The following AGTPBP1 variants were observed in gnomAD, a reference collection of about 807,000 sequenced individuals.
AGTPBP1 encodes ATP/GTP binding carboxypeptidase 1.
Under a neutral mutation model 143.9 loss-of-function variants are expected in AGTPBP1, and 70 were observed. The ratio of observed to expected loss-of-function variants is 0.49; its 90% CI spans 0.40 to 0.59. The LOEUF is 0.59. Among genes scored for constraint, AGTPBP1 ranks in the 20% least tolerant of loss-of-function variants. AGTPBP1 has a pLI of 0.00. For missense variants in AGTPBP1, 1,229 were observed against 1,464.5 expected (o/e 0.84, Z 2.62); for synonymous variants, 463 against 500.2 (o/e 0.93, Z 0.99).
At chr9:85,572,333 T>A (rs1827557211) in intron 25 of AGTPBP1, among the ~76,000 whole-genome samples, 1 of 152,056 alleles carries the variant, frequency 6.6e-6, no homozygotes, top group Non-Finnish European at 1.5e-5. Context: ...GCGGCTGGCT[T>A]GGTTTGTATT....
chr9:85,654,909 A>G (rs547689994), intron 11 of AGTPBP1, among the ~76,000 whole-genome samples: 1 of 152,334 alleles, frequency 6.6e-6, no homozygotes, highest in African/African-American at 2.4e-5. Context: ...GTGAAGCTTA[A>G]TTATTTCACA....
At chr9:85,803,691 T>C in the AGTPBP1 span, among the ~76,000 whole-genome samples, 1 of 152,236 alleles carries the variant, frequency 6.6e-6, no homozygotes, top group African/African-American at 2.4e-5. Context: ...TGATTATCTA[T>C]GAGTCTATTT....
chr9:85,547,014 A>T lies in AGTPBP1; in HGVS notation c.*95T>A. On this transcript the variant is annotated 3_prime_UTR_variant, in exon 26 of 26. Transcript: ENST00000357081. ...AAGTTACTTTTTGTCTTTTTGAGTC[A>T]GCTCTGTATAAACTCATTTCTCTCA... The T allele has an allele frequency of 7.8e-7, 1 of 1,290,286 alleles. No individual in the cohort carries two copies. The highest frequency in any genetic ancestry group is 1.0e-6 in the Non-Finnish European group (1 of 977,086). 79.9% of individuals were successfully genotyped at this position (1,290,286 alleles called of 1,614,324 possible).
chr9:85,744,121 G>A (rs540621912), upstream of AGTPBP1, among the ~76,000 whole-genome samples: 2 of 151,616 alleles, frequency 1.3e-5, no homozygotes, highest in Non-Finnish European at 2.9e-5. Flanking sequence ...TTGTAGAGTC[G>A]GGGTCTCCCT....
intron 14 of AGTPBP1, among the ~76,000 whole-genome samples, chr9:85,624,451 C>T (rs1466442804): frequency 1.3e-5 from 2 of 152,178 alleles, no homozygotes; most frequent in Non-Finnish European, 1.5e-5. Flanking sequence ...ACTTTATATG[C>T]ATATATACAC....
chr9:85,790,509 C>G, the AGTPBP1 span, among the ~76,000 whole-genome samples: 1 of 151,928 alleles, frequency 6.6e-6, no homozygotes, highest in African/African-American at 2.4e-5. Flanking sequence ...TCATGTTGAC[C>G]CCAACATGAC....
intron 10 of AGTPBP1, among the ~76,000 whole-genome samples, chr9:85,656,970 T>C (rs755193122): frequency 1.6e-3 from 246 of 151,892 alleles, no homozygotes; most frequent in Non-Finnish European, 3.1e-3. Flanking sequence ...ACTTCTTCCT[T>C]TTGCCTTAAT....
At chr9:85,721,766 T>C (rs368461799) in intron 1 of AGTPBP1, among the ~76,000 whole-genome samples, 9 of 150,654 alleles carry the variant, frequency 6.0e-5, no homozygotes, top group South Asian at 2.1e-4. Flanking sequence ...TTCATAGCAT[T>C]GATGGTCTTT....
intron 2 of AGTPBP1, among the ~76,000 whole-genome samples, chr9:85,707,494 T>A (rs923773931): frequency 3.3e-5 from 5 of 151,762 alleles, no homozygotes; most frequent in African/African-American, 1.2e-4. Flanking sequence ...ACCAGGCTGA[T>A]TGAGAAAAAA....
At position 85,577,694 on chromosome 9, in the gene AGTPBP1, T is replaced by C. The variant is rs147572845; in HGVS notation, c.3342+1226A>G. Among the ~76,000 whole-genome samples the C allele has an allele frequency of 5.0e-3, 757 of 152,288 alleles. 5 individuals carry two copies. Among genetic ancestry groups the C allele is most frequent in the African/African-American group, 0.017 (707 of 41,556 alleles). On this transcript the variant is annotated intron_variant, in intron 24 of 25. Coordinates refer to ENST00000357081, the MANE Select transcript of AGTPBP1 (RefSeq NM_001330701.2). ...AGTAAGTTCTACTTTACTACTACTATTCTTATTTAAGTAATTTCTACTTTA... is the reference window on the plus strand; with the variant it reads ...AGTAAGTTCTACTTTACTACTACTACTCTTATTTAAGTAATTTCTACTTTA...
intron 4 of AGTPBP1, among the ~76,000 whole-genome samples, chr9:85,680,655 CAG>C (rs1835112770): frequency 6.6e-6 from 1 of 151,548 alleles, no homozygotes; most frequent in Non-Finnish European, 1.5e-5. Context: ...TCTAAAGTAA[CAG>C]AGCAATCTAG....
the AGTPBP1 span, among the ~76,000 whole-genome samples, chr9:85,758,426 C>T: frequency 3.3e-5 from 5 of 152,144 alleles, no homozygotes; most frequent in African/African-American, 9.7e-5. Context: ...GGGCAGGTCA[C>T]GGGAGGTCAG....
intron 14 of AGTPBP1, among the ~76,000 whole-genome samples, chr9:85,626,300 T>C (rs1202539460): frequency 6.6e-6 from 1 of 152,196 alleles, no homozygotes; most frequent in African/African-American, 2.4e-5. Flanking sequence ...AAAACAGTGA[T>C]TGCACATAAG....
At chr9:85,560,073 C>G (rs1826606512) in intron 25 of AGTPBP1, among the ~76,000 whole-genome samples, 1 of 152,138 alleles carries the variant, frequency 6.6e-6, no homozygotes, top group South Asian at 2.1e-4. Context: ...GAGACCCCCT[C>G]CAGCCCACCA....
At chr9:85,580,703 C>A (rs1828202912) in intron 23 of AGTPBP1, among the ~76,000 whole-genome samples, 1 of 152,098 alleles carries the variant, frequency 6.6e-6, no homozygotes, top group Non-Finnish European at 1.5e-5. Flanking sequence ...TTTGTACAAT[C>A]TTTATGAAGG....
At chr9:85,786,440 G>A in the AGTPBP1 span, 113 of 1,613,744 alleles carry the variant, frequency 7.0e-5, no homozygotes, top group Non-Finnish European at 9.1e-5. Flanking sequence ...TGTCACACCT[G>A]TAAAACTGTG....
chr9:85,601,510 C>G (rs1040757240), intron 17 of AGTPBP1, among the ~76,000 whole-genome samples: 1 of 152,202 alleles, frequency 6.6e-6, no homozygotes, highest in Non-Finnish European at 1.5e-5. Context: ...ACCACCACAG[C>G]TGGCACACAC....
the AGTPBP1 span, among the ~76,000 whole-genome samples, chr9:85,802,766 G>A: frequency 7.2e-5 from 11 of 152,166 alleles, no homozygotes; most frequent in Admixed American, 7.2e-4. Flanking sequence ...TTGTGGCTCT[G>A]CCAACCCCAG....
chr9:85,752,170 G>A, the AGTPBP1 span, among the ~76,000 whole-genome samples: 7,284 of 152,124 alleles, frequency 0.048, 293 homozygotes, highest in African/African-American at 0.11. Flanking sequence ...CCCGGGAGGC[G>A]GAGGTTGCAG....
Sources: allele counts gnomAD v4.1 joint callset (sites outside exome capture counted in the v4.1 genomes callset), GRCh38; gene constraint gnomAD v4.1.1; transcripts MANE v1.5; gene names NCBI Gene and HGNC (gene_info 2026-07-23, HGNC 2026-07-21).